DOK6: variants seen among roughly 807,000 people sequenced by gnomAD.
DOK6 encodes downstream of tyrosine kinase 6.
A neutral mutation model predicts 44.0 loss-of-function variants in DOK6; 22 were observed. That is an observed-to-expected ratio of 0.50 (90% CI 0.36 to 0.71). DOK6 has a LOEUF of 0.71. Ranked by LOEUF, DOK6 falls within the 30% of genes least tolerant of loss-of-function variation. The pLI is 0.00. For missense variants in DOK6, 340 were observed against 416.4 expected, an observed-to-expected ratio of 0.82 and a Z score of 1.60; for synonymous variants, 166 against 145.5, an observed-to-expected ratio of 1.14 and a Z score of -1.01.
chr18:69,679,003 C>A (rs1985987166), intron 4 of DOK6, among the ~76,000 whole-genome samples: 1 of 152,044 alleles, frequency 6.6e-6, no homozygotes, highest in Admixed American at 6.6e-5. Context: ...CATAGTGAAA[C>A]CCTGTCTCTA....
Position 69,401,295 on chromosome 18 carries a change from C to T in DOK6, c.51C>T (p.Arg17=). 2 of 1,581,600 alleles carry T rather than the reference C, an allele frequency of 1.3e-6. No homozygotes were observed. Among genetic ancestry groups the T allele is most frequent in the East Asian group, 4.8e-5 (2 of 41,274 alleles). The change falls in exon 1 of 8, where the codon CGC becomes CGT. Residue 17 remains arginine, a synonymous_variant. Transcript: ENST00000382713. ...DIVKQGYVKI[R]SRKLGIFRRC... is the part of the protein sequence containing the mutation. ...TCAAGCAGGGCTACGTGAAAATCCG[C>T]AGCAGGAAGCTTGGGGTGAGTGGCT... is the stretch of plus-strand genomic sequence containing the variant.
At chr18:69,494,072 CT>C (rs1980811952) in intron 1 of DOK6, among the ~76,000 whole-genome samples, 1 of 152,190 alleles carries the variant, frequency 6.6e-6, no homozygotes, top group Non-Finnish European at 1.5e-5. Context: ...GATATTTTGT[CT>C]TCTAATATCA....
intron 7 of DOK6, among the ~76,000 whole-genome samples, chr18:69,796,169 G>A (rs778948130): frequency 2.0e-5 from 3 of 152,160 alleles, no homozygotes; most frequent in Non-Finnish European, 4.4e-5. Flanking sequence ...CAGTAACAGC[G>A]TGATGGAAAG....
chr18:69,565,109 G>A (rs1384919136), intron 2 of DOK6, among the ~76,000 whole-genome samples: 3 of 152,122 alleles, frequency 2.0e-5, no homozygotes, highest in Admixed American at 6.5e-5. Context: ...TTAAAAGAAT[G>A]TAAAATATAA....
chr18:69,412,811 C>G (rs1216508870), intron 1 of DOK6, among the ~76,000 whole-genome samples: 1 of 152,046 alleles, frequency 6.6e-6, no homozygotes, highest in Non-Finnish European at 1.5e-5. Context: ...ATGAAATGCC[C>G]AAAATGCTTA....
chr18:69,564,890 T>G (rs2144598293), intron 2 of DOK6, among the ~76,000 whole-genome samples: 1 of 152,246 alleles, frequency 6.6e-6, no homozygotes, highest in Middle Eastern at 3.4e-3. Flanking sequence ...TCTATTGAGG[T>G]TAATTATGCA....
chr18:69,626,243 C>A (rs1172154419), intron 3 of DOK6, among the ~76,000 whole-genome samples: 1 of 152,068 alleles, frequency 6.6e-6, no homozygotes, highest in African/African-American at 2.4e-5. Context: ...TTTGGCCATC[C>A]CATTTGATCT....
intron 3 of DOK6, among the ~76,000 whole-genome samples, chr18:69,641,357 A>AT (rs1401977523): frequency 6.6e-6 from 1 of 152,194 alleles, no homozygotes; most frequent in African/African-American, 2.4e-5. Context: ...AATCAGATTT[A>AT]TTTTTTATAT....
At chr18:69,682,949 C>A (rs138557644) in intron 4 of DOK6, among the ~76,000 whole-genome samples, 145 of 152,292 alleles carry the variant, frequency 9.5e-4, no homozygotes, top group East Asian at 5.2e-3. Context: ...ATTAGCAGCA[C>A]CTTACTCATG....
At chr18:69,743,282 T>G (rs1248973955) in intron 6 of DOK6, among the ~76,000 whole-genome samples, 1 of 152,232 alleles carries the variant, frequency 6.6e-6, no homozygotes, top group Non-Finnish European at 1.5e-5. Context: ...ATGTTTCCAT[T>G]TCACAGAGAT....
intron 5 of DOK6, among the ~76,000 whole-genome samples, chr18:69,735,440 C>A (rs930084212): frequency 6.6e-6 from 1 of 152,190 alleles, no homozygotes; most frequent in Non-Finnish European, 1.5e-5. Flanking sequence ...AGATTAAAAT[C>A]AGCAAAGGGA....
chr18:69,748,547 G>A (rs996090478), intron 6 of DOK6, among the ~76,000 whole-genome samples: 3 of 152,138 alleles, frequency 2.0e-5, no homozygotes. Context: ...AATCAAATTA[G>A]AACTCAAGAT....
intron 6 of DOK6, among the ~76,000 whole-genome samples, chr18:69,740,942 A>G (rs1978779437): frequency 6.6e-6 from 1 of 152,190 alleles, no homozygotes; most frequent in Non-Finnish European, 1.5e-5. Flanking sequence ...AACTTAATTC[A>G]CTTTTGTTGT....
chr18:69,530,342 T>A (rs569834711), intron 1 of DOK6, among the ~76,000 whole-genome samples: 17 of 152,194 alleles, frequency 1.1e-4, no homozygotes, highest in Admixed American at 2.6e-4. Flanking sequence ...ACACTTTGTA[T>A]GCCCTGTATG....
rs142607204 is a variant in DOK6 at position 69,792,909 on chromosome 18, C to T, written c.856+35036C>T. 5.3e-5 allele frequency among the ~76,000 whole-genome samples: 8 copies of T among 152,136 alleles called. No individual in the cohort carries two copies. The East Asian group carries it at 1.4e-3, about 26-fold the overall frequency. Reference sequence around the variant, plus strand: ...TAGAAAAACAAGAAATAATAGTCTCCATTGAAAATTAGTAATGATCTATTG... The same window carrying T: ...TAGAAAAACAAGAAATAATAGTCTCTATTGAAAATTAGTAATGATCTATTG... On this transcript the variant is annotated intron_variant, in intron 7 of 7. Coordinates refer to ENST00000382713, the MANE Select transcript of DOK6 (RefSeq NM_152721.6).
chr18:69,583,972 G>A (rs1286042294), intron 2 of DOK6, among the ~76,000 whole-genome samples: 1 of 151,636 alleles, frequency 6.6e-6, no homozygotes, highest in Non-Finnish European at 1.5e-5. Context: ...GCCAGGCGTG[G>A]TGGCGGGCGC....
intron 5 of DOK6, among the ~76,000 whole-genome samples, chr18:69,698,823 A>G (rs1986449082): frequency 1.3e-5 from 2 of 152,188 alleles, no homozygotes; most frequent in Admixed American, 1.3e-4. Context: ...AGTTTCTTAC[A>G]CTACCATCAA....
chr18:69,769,155 T>G (rs1979813976), intron 7 of DOK6, among the ~76,000 whole-genome samples: 1 of 152,114 alleles, frequency 6.6e-6, no homozygotes, highest in Non-Finnish European at 1.5e-5. Flanking sequence ...AAACTCTCAG[T>G]GACATAGTAT....
chr18:69,657,372 C>T (rs1985396416), intron 3 of DOK6, among the ~76,000 whole-genome samples: 1 of 152,154 alleles, frequency 6.6e-6, no homozygotes, highest in Non-Finnish European at 1.5e-5. Flanking sequence ...GCTTTTATCC[C>T]CTTTGCCCTG....
Sources: allele counts gnomAD v4.1 joint callset (sites outside exome capture counted in the v4.1 genomes callset), GRCh38; gene constraint gnomAD v4.1.1; transcripts MANE v1.5; gene names NCBI Gene and HGNC (gene_info 2026-07-23, HGNC 2026-07-21).